TICAM2: variants seen among roughly 807,000 people sequenced by gnomAD.
The protein encoded by TICAM2 is TIR domain-containing adapter molecule 2.
A neutral mutation model predicts 7.3 loss-of-function variants in TICAM2; 8 were observed. The observed-to-expected ratio is 1.10, with a 90% CI of 0.65 to 1.99. TICAM2 has a LOEUF of 1.99. TICAM2 is among the 30% of genes most tolerant of loss of function. The pLI is 0.00. For missense variants in TICAM2, 304 were observed against 278.8 expected, an observed-to-expected ratio of 1.09 and a Z score of -0.65; for synonymous variants, 113 against 99.6, an observed-to-expected ratio of 1.13 and a Z score of -0.80.
chr5:115,594,253 T>C (rs554676793), intron 1 of TICAM2, among the ~76,000 whole-genome samples: 2 of 152,360 alleles, frequency 1.3e-5, no homozygotes, highest in African/African-American at 4.8e-5. Context: ...TGTGTTCAAA[T>C]TATACTGAAT....
intron 1 of TICAM2, among the ~76,000 whole-genome samples, chr5:115,582,996 G>A (rs369481059): frequency 3.3e-5 from 5 of 152,152 alleles, no homozygotes; most frequent in South Asian, 2.1e-4. Flanking sequence ...TTAGGTTCTC[G>A]CTCCACGGTA....
At position 115,581,069 on chromosome 5, in the gene TICAM2, T is replaced by C; in HGVS notation, c.188A>G (p.Gln63Arg). Residue 63 changes from glutamine (Q) to arginine (R), a missense_variant, in exon 2 of 2, where the codon CAG becomes CGG. Gln to Arg is a conservative substitution (Grantham distance 43). Transcript: ENST00000427199. ...EGPTGKQEGA[Q>R]SVEEMFEEEA... ...TTCTTCAAACATCTCTTCCACGCTC[T>C]GAGCTCCCTCCTGCTTTCCTGTTGG... 6.2e-7 allele frequency: 1 copy of C among 1,614,202 alleles called. No individual in the cohort carries two copies. The highest frequency in any genetic ancestry group is 8.5e-7 in the Non-Finnish European group (1 of 1,180,044).
chr5:115,590,710 G>C (rs903688282), intron 1 of TICAM2, among the ~76,000 whole-genome samples: 1 of 152,058 alleles, frequency 6.6e-6, no homozygotes, highest in African/African-American at 2.4e-5. Flanking sequence ...GCTTTTACTT[G>C]CATGTCGTAC....
At chr5:115,591,792 A>G (rs1055935931) in intron 1 of TICAM2, among the ~76,000 whole-genome samples, 1 of 152,146 alleles carries the variant, frequency 6.6e-6, no homozygotes, top group East Asian at 1.9e-4. Context: ...CAGAACAACT[A>G]TACAATTAGA....
At chr5:115,581,973 CT>C (rs1301805895) in intron 1 of TICAM2, 1 of 152,016 alleles carries the variant, frequency 6.6e-6, no homozygotes, top group East Asian at 1.9e-4. Context: ...TAAGAAATAT[CT>C]TTTTCCAACG....
chr5:115,600,982 G>GT (rs1755710380), intron 1 of TICAM2, among the ~76,000 whole-genome samples: 3 of 152,180 alleles, frequency 2.0e-5, no homozygotes, highest in Admixed American at 6.5e-5. Flanking sequence ...TGATTCAACA[G>GT]TGTAAACATG....
chr5:115,584,358 G>C (rs991538006), intron 1 of TICAM2, among the ~76,000 whole-genome samples: 2 of 151,914 alleles, frequency 1.3e-5, no homozygotes, highest in Non-Finnish European at 2.9e-5. Flanking sequence ...ACAGCGCATA[G>C]AGAACTTCTT....
At position 115,581,234 on chromosome 5, in the gene TICAM2, A is replaced by AT; in HGVS notation, c.22dup (p.Ile8AsnfsTer12). Reference sequence around the variant, plus strand: ...AGAGAGAGAAAGAGGGCAGGAATTTATTTTAGACTTCCCGATACCCATTAT... The same window carrying AT: ...AGAGAGAGAAAGAGGGCAGGAATTTATTTTTAGACTTCCCGATACCCATTAT... On this transcript the variant is annotated frameshift_variant, in exon 2 of 2. Transcript: ENST00000427199. LOFTEE classifies it low-confidence loss of function (END_TRUNC). The AT allele has an allele frequency of 1.2e-6, 2 of 1,609,330 alleles. No individual in the cohort carries two copies. The highest frequency in any genetic ancestry group is 1.7e-6 in the Non-Finnish European group (2 of 1,179,980).
At chr5:115,583,042 A>C (rs1754985591) in intron 1 of TICAM2, among the ~76,000 whole-genome samples, 1 of 152,234 alleles carries the variant, frequency 6.6e-6, no homozygotes, top group African/African-American at 2.4e-5. Flanking sequence ...TCTAAGGCAT[A>C]ATAACTCTAA....
At chr5:115,595,469 A>T (rs1226115393) in intron 1 of TICAM2, among the ~76,000 whole-genome samples, 2 of 152,170 alleles carry the variant, frequency 1.3e-5, no homozygotes, top group African/African-American at 4.8e-5. Context: ...TTCAAGACCT[A>T]TATTATTCCT....
At chr5:115,597,764 A>G (rs1000455695) in intron 1 of TICAM2, among the ~76,000 whole-genome samples, 7 of 152,182 alleles carry the variant, frequency 4.6e-5, no homozygotes, top group African/African-American at 1.7e-4. Flanking sequence ...TCCCACAGTC[A>G]GCCTGCAGAG....
At chr5:115,588,587 A>G (rs1010509864) in intron 1 of TICAM2, among the ~76,000 whole-genome samples, 4 of 152,192 alleles carry the variant, frequency 2.6e-5, no homozygotes, top group Non-Finnish European at 4.4e-5. Flanking sequence ...AGTATCTGCT[A>G]AAGAATTGTT....
At chr5:115,584,557 G>C (rs1180774410) in intron 1 of TICAM2, among the ~76,000 whole-genome samples, 1 of 152,180 alleles carries the variant, frequency 6.6e-6, no homozygotes, top group Non-Finnish European at 1.5e-5. Flanking sequence ...ATTTCCATTT[G>C]TAACAGTGAT....
chr5:115,593,971 G>T lies in TICAM2; in HGVS notation c.-60+8126C>A, dbSNP rs190897579. On this transcript the variant is annotated intron_variant, in intron 1 of 1. Transcript: ENST00000427199. ...CCAGAAAATGATTACATGGTTGATTGTTTTTTTATTTATTCAACTATATAC... is the reference window on the plus strand; with the variant it reads ...CCAGAAAATGATTACATGGTTGATTTTTTTTTTATTTATTCAACTATATAC... 9.5e-3 allele frequency among the ~76,000 whole-genome samples: 1,392 copies of T among 147,234 alleles called. 25 individuals carry two copies. The highest frequency in any genetic ancestry group is 0.032 in the African/African-American group (1,333 of 41,156).
chr5:115,590,014 T>C (rs1755243639), intron 1 of TICAM2, among the ~76,000 whole-genome samples: 1 of 152,188 alleles, frequency 6.6e-6, no homozygotes, highest in East Asian at 1.9e-4. Context: ...TTTTGTTAGA[T>C]TTTAAAAATG....
rs117038853 is a variant in TICAM2 at position 115,597,020 on chromosome 5, T to C, written c.-60+5077A>G. 6.6e-3 allele frequency among the ~76,000 whole-genome samples: 1,003 copies of C among 152,346 alleles called. 20 individuals are homozygous for C. Among genetic ancestry groups the C allele is most frequent in the Admixed American group, 0.03 (465 of 15,288 alleles). Reference sequence around the variant, plus strand: ...CAAGAACAACTGCCCAGCAACTTCCTGTCCAATTTCAGACTGGTGCCACCC... The same window carrying C: ...CAAGAACAACTGCCCAGCAACTTCCCGTCCAATTTCAGACTGGTGCCACCC... On this transcript the variant is annotated intron_variant, in intron 1 of 1. Coordinates refer to ENST00000427199, the MANE Select transcript of TICAM2 (RefSeq NM_021649.7).
Position 115,580,216 on chromosome 5 carries a change from T to A in TICAM2, c.*333A>T, listed in dbSNP as rs1754866574. ...ATCAAAATTCAGAGAATAAAAGTGTTGTCACATTTTTAAAAATGTCTGTCA... is the reference window on the plus strand; with the variant it reads ...ATCAAAATTCAGAGAATAAAAGTGTAGTCACATTTTTAAAAATGTCTGTCA... On this transcript the variant is annotated 3_prime_UTR_variant, in exon 2 of 2. Coordinates refer to ENST00000427199, the MANE Select transcript of TICAM2 (RefSeq NM_021649.7). The A allele has an allele frequency of 5.2e-6, 1 of 193,420 alleles. No individual in the cohort carries two copies. Among genetic ancestry groups the A allele is most frequent in the South Asian group, 1.6e-4 (1 of 6,300 alleles). The allele number at this position is 193,420 out of a possible 1,614,324, so 12.0% of individuals were successfully genotyped here.
chr5:115,580,692 G>A lies in TICAM2; in HGVS notation c.565C>T (p.Leu189Phe), dbSNP rs1232296959. 1 of 1,595,014 alleles carries A rather than the reference G, an allele frequency of 6.3e-7. No individual in the cohort carries two copies. Among genetic ancestry groups the A allele is most frequent in the Non-Finnish European group, 8.5e-7 (1 of 1,173,126 alleles). The change falls in exon 2 of 2, where the codon CTC becomes TTC. Residue 189 changes from leucine (L) to phenylalanine (F), a missense_variant. By Grantham distance (22) the Leu-to-Phe change is conservative. Coordinates refer to ENST00000427199, the MANE Select transcript of TICAM2 (RefSeq NM_021649.7). ...PLPRERTPFA[L>F]QTINALEEES... Reference sequence around the variant, plus strand: ...TCCTCTAAGGCATTGATGGTTTGGAGGGCAAAGGGAGTCCTTTCTCGGGGA... The same window carrying A: ...TCCTCTAAGGCATTGATGGTTTGGAAGGCAAAGGGAGTCCTTTCTCGGGGA...
chr5:115,597,557 G>T (rs73254581), intron 1 of TICAM2, among the ~76,000 whole-genome samples: 1 of 152,074 alleles, frequency 6.6e-6, no homozygotes, highest in African/African-American at 2.4e-5. Flanking sequence ...CTCATGACAC[G>T]AAAATGAAAT....
Sources: allele counts gnomAD v4.1 joint callset (sites outside exome capture counted in the v4.1 genomes callset), GRCh38; gene constraint gnomAD v4.1.1; transcripts MANE v1.5; gene names NCBI Gene and HGNC (gene_info 2026-07-23, HGNC 2026-07-21).